COL26A1: variants seen among roughly 807,000 people sequenced by gnomAD.
COL26A1 encodes the protein collagen type XXVI alpha 1 chain, also known as collagen alpha-1(XXVI) chain.
COL26A1 carries 41 observed loss-of-function variants against 59.3 expected under a neutral mutation model. The observed-to-expected ratio is 0.69, with a 90% CI of 0.54 to 0.90. COL26A1 has a LOEUF of 0.90. Ranked by LOEUF, COL26A1 falls within the 40% of genes least tolerant of loss-of-function variation. The pLI, the probability that COL26A1 is intolerant of heterozygous loss-of-function variation, is 0.00. For missense variants in COL26A1, 612 were observed against 602.3 expected (o/e 1.02, Z -0.17); for synonymous variants, 266 against 256.0 (o/e 1.04, Z -0.37).
intron 3 of COL26A1, among the ~76,000 whole-genome samples, chr7:101,473,648 ACAC>A (rs1793961925): frequency 8.8e-6 from 1 of 113,526 alleles, no homozygotes; most frequent in African/African-American, 2.9e-5. Flanking sequence ...ACACACACAC[ACAC>A]ACAAACACAC....
intron 3 of COL26A1, among the ~76,000 whole-genome samples, chr7:101,475,046 T>A (rs1346545075): frequency 2.0e-5 from 3 of 152,030 alleles, no homozygotes; most frequent in African/African-American, 7.2e-5. Flanking sequence ...TGCAAAAAAT[T>A]AGCTGGGTGT....
intron 3 of COL26A1, 65 bp downstream of exon 3, chr7:101,447,852 T>C (rs1263579494): frequency 7.4e-6 from 7 of 950,726 alleles, no homozygotes; most frequent in Admixed American, 2.0e-5. Flanking sequence ...TTCTCCCTTC[T>C]CTGGCCTCCT....
chr7:101,441,112 C>A (rs934088951), intron 2 of COL26A1, among the ~76,000 whole-genome samples: 1 of 152,076 alleles, frequency 6.6e-6, no homozygotes, highest in Non-Finnish European at 1.5e-5. Context: ...CTGTACTGAA[C>A]GAACACAAAT....
At chr7:101,544,147 G>T in intron 6 of COL26A1, 51 bp downstream of exon 6, 1 of 1,423,412 alleles carries the variant, frequency 7.0e-7, no homozygotes. Flanking sequence ...GAAGGGGCTG[G>T]GCTTTCTTCT....
intron 1 of COL26A1, among the ~76,000 whole-genome samples, chr7:101,390,624 T>C (rs376960363): frequency 2.8e-4 from 42 of 152,042 alleles, no homozygotes; most frequent in Admixed American, 1.8e-3. Context: ...GGGATCTTGC[T>C]ATATTGTCCA....
intron 2 of COL26A1, among the ~76,000 whole-genome samples, chr7:101,443,451 T>C (rs948797585): frequency 2.0e-5 from 3 of 152,238 alleles, no homozygotes; most frequent in Non-Finnish European, 2.9e-5. Context: ...TCCACTCGTG[T>C]GTTTTCCTGT....
chr7:101,504,831 G>T (rs1011427047), intron 3 of COL26A1, among the ~76,000 whole-genome samples: 1 of 152,170 alleles, frequency 6.6e-6, no homozygotes, highest in African/African-American at 2.4e-5. Flanking sequence ...GTGTGTATGT[G>T]TGTGTGTATG....
chr7:101,392,263 C>T (rs1258064397), intron 1 of COL26A1, among the ~76,000 whole-genome samples: 1 of 152,104 alleles, frequency 6.6e-6, no homozygotes, highest in Non-Finnish European at 1.5e-5. Flanking sequence ...ACATGAGGGC[C>T]ATGAGTCTGG....
intron 1 of COL26A1, among the ~76,000 whole-genome samples, chr7:101,414,278 C>T (rs554411172): frequency 3.7e-4 from 56 of 152,252 alleles, no homozygotes; most frequent in African/African-American, 1.3e-3. Context: ...CTATGGAAAG[C>T]CCTGACTCAG....
At chr7:101,412,806 T>C (rs1200592652) in intron 1 of COL26A1, among the ~76,000 whole-genome samples, 1 of 152,166 alleles carries the variant, frequency 6.6e-6, no homozygotes, top group Non-Finnish European at 1.5e-5. Flanking sequence ...GCAACACCAC[T>C]GGCTTGTCCT....
intron 2 of COL26A1, among the ~76,000 whole-genome samples, chr7:101,432,941 A>AC (rs1263132124): frequency 6.6e-6 from 1 of 152,020 alleles, no homozygotes. Flanking sequence ...ACCTCAGGTG[A>AC]CCCACCCGCC....
chr7:101,408,414 A>T (rs1792176163), intron 1 of COL26A1, among the ~76,000 whole-genome samples: 1 of 152,150 alleles, frequency 6.6e-6, no homozygotes, highest in South Asian at 2.1e-4. Context: ...CCCCAGGAAG[A>T]GCTGGGACCT....
chr7:101,423,666 C>CGGA (rs2130290842), intron 2 of COL26A1, among the ~76,000 whole-genome samples: 1 of 151,928 alleles, frequency 6.6e-6, no homozygotes, highest in East Asian at 1.9e-4. Context: ...ACCTGGCAGG[C>CGGA]GGAGGTTGCA....
At position 101,443,837 on chromosome 7, in the gene COL26A1, C is replaced by T. The variant is rs192533626; in HGVS notation, c.282-3847C>T. On this transcript the variant is annotated intron_variant, in intron 2 of 12. Transcript: ENST00000313669. ...TTTAATTCCTGCAAGAGTCCCACTA[C>T]TGTATTCCAAGTTTTTTCTTTTCCT... Among the ~76,000 whole-genome samples, 780 of 148,272 alleles carry T rather than the reference C, an allele frequency of 5.3e-3. 4 individuals carry two copies. The highest frequency in any genetic ancestry group is 9.0e-3 in the Non-Finnish European group (602 of 67,072).
At chr7:101,483,157 C>T (rs939169566) in intron 3 of COL26A1, among the ~76,000 whole-genome samples, 1 of 151,752 alleles carries the variant, frequency 6.6e-6, no homozygotes, top group Non-Finnish European at 1.5e-5. Flanking sequence ...TTAGTCACTA[C>T]ATTTGTCTCT....
chr7:101,389,109 T>C (rs551462318), intron 1 of COL26A1: 42 of 163,702 alleles, frequency 2.6e-4, no homozygotes, highest in Non-Finnish European at 4.0e-4. Context: ...TTTCACCCAC[T>C]GTCTTGCAAG....
chr7:101,525,207 A>T (rs1310014471), intron 3 of COL26A1, among the ~76,000 whole-genome samples: 1 of 104,846 alleles, frequency 9.5e-6, no homozygotes, highest in African/African-American at 3.9e-5. Flanking sequence ...TTTGAGACAG[A>T]GTCTTGCTCT....
Position 101,420,104 on chromosome 7 carries a change from AGGCCGCTGGGCTAG to A in COL26A1, c.281+7_281+20del. 6.2e-7 allele frequency: 1 copy of A among 1,612,558 alleles called. No individual in the cohort carries two copies. The highest frequency in any genetic ancestry group is 8.5e-7 in the Non-Finnish European group (1 of 1,179,860). ...GCCCTGCGCCAACCTCGTAAGGTAA[AGGCCGCTGGGCTAG>A]GCTGCTCTGCCCTTCCCTCCCATTC... On this transcript the variant is annotated splice_donor_region_variant and intron_variant, in intron 2 of 12. Coordinates refer to ENST00000313669, the MANE Select transcript of COL26A1 (RefSeq NM_001278563.3).
chr7:101,372,025 T>A (rs1202209543), intron 1 of COL26A1, among the ~76,000 whole-genome samples: 1 of 152,254 alleles, frequency 6.6e-6, no homozygotes, highest in African/African-American at 2.4e-5. Flanking sequence ...TTACATGGGT[T>A]AATATTAATA....
Sources: gnomAD v4.1 joint callset for allele counts (sites outside exome capture counted in the v4.1 genomes callset) on GRCh38, gnomAD v4.1.1 for gene constraint, MANE v1.5 for transcripts, NCBI Gene and HGNC (gene_info 2026-07-23, HGNC 2026-07-21) for gene names.